AANAT: variants seen among roughly 807,000 people sequenced by gnomAD.
The protein encoded by AANAT is serotonin N-acetyltransferase.
AANAT carries 11 observed loss-of-function variants against 15.6 expected under a neutral mutation model. That is an observed-to-expected ratio of 0.71 (90% CI 0.44 to 1.17). AANAT has a LOEUF of 1.17. AANAT is among the 50% of genes most tolerant of loss of function. AANAT has a pLI of 0.00. For missense variants in AANAT, 286 were observed against 296.3 expected, an observed-to-expected ratio of 0.97 and a Z score of 0.26; for synonymous variants, 139 against 131.5, an observed-to-expected ratio of 1.06 and a Z score of -0.39.
upstream of AANAT, among the ~76,000 whole-genome samples, chr17:76,463,188 C>T (rs527939702): frequency 5.9e-5 from 9 of 152,256 alleles, no homozygotes; most frequent in East Asian, 1.5e-3. Flanking sequence ...AACCCCCGGC[C>T]GTGGCAGCGA....
chr17:76,462,475 A>C (rs1049142886), exon 3 of AANAT: 1 of 152,156 alleles, frequency 6.6e-6, no homozygotes, highest in Non-Finnish European at 1.5e-5. Context: ...GATGCAGGAC[A>C]AAGAGGTGGG....
intron 1 of AANAT, chr17:76,459,229 T>A (rs1280356758): frequency 6.6e-6 from 1 of 152,236 alleles, no homozygotes; most frequent in African/African-American, 2.4e-5. Context: ...GTTCGTCCTG[T>A]TTCCCTCCTT....
chr17:76,461,605 C>CAAAAA (rs10578887), intron 2 of AANAT, among the ~76,000 whole-genome samples: 2 of 52,872 alleles, frequency 3.8e-5, no homozygotes, highest in Non-Finnish European at 6.5e-5. Context: ...GAGCCTCCAC[C>CAAAAA]AAAAAAAAAA....
chr17:76,460,111 C>T (rs1405351825), intron 2 of AANAT, among the ~76,000 whole-genome samples: 3 of 144,890 alleles, frequency 2.1e-5, no homozygotes, highest in African/African-American at 7.8e-5. Flanking sequence ...GCTCCAGCCT[C>T]AGTCACCTAC....
At position 76,469,543 on chromosome 17, in the gene AANAT, C is replaced by A; in HGVS notation, c.319-122C>A. The stretch of plus-strand genomic sequence containing the variant: ...GCTCCCAATTTGGGGCCCTCCTTTG[C>A]TGGGGTGGGTGCCCTGACCACAGGC... On this transcript the variant is annotated intron_variant, in intron 3 of 3. Coordinates refer to ENST00000392492, the MANE Select transcript of AANAT (RefSeq NM_001088.3). This position sits in a 1 kb window ranked among gnomAD's most constrained non-coding sequence, Gnocchi z 5.2. 7.8e-7 allele frequency: 1 copy of A among 1,283,878 alleles called. No homozygotes were observed. Among genetic ancestry groups the A allele is most frequent in the Non-Finnish European group, 1.0e-6 (1 of 963,204 alleles). 79.5% of individuals were successfully genotyped at this position (1,283,878 alleles called of 1,614,324 possible). A position where few individuals can be genotyped will look rare whatever the true frequency, so the allele number is the denominator to read the frequency against.
intron 1 of AANAT, among the ~76,000 whole-genome samples, chr17:76,457,411 T>C (rs796630412): frequency 9.2e-5 from 14 of 152,348 alleles, no homozygotes; most frequent in African/African-American, 3.4e-4. Flanking sequence ...CCTATGTTTG[T>C]TGTTTTAATG....
At chr17:76,453,479 G>C (rs960420210) in exon 1 of AANAT, 1 of 221,024 alleles carries the variant, frequency 4.5e-6, no homozygotes, top group African/African-American at 2.3e-5. Flanking sequence ...TGGGGCACAG[G>C]ATGGTGGAGA....
At position 76,468,830 on chromosome 17, in the gene AANAT, G is replaced by T; in HGVS notation, c.84G>T (p.Arg28=). The T allele has an allele frequency of 6.2e-7, 1 of 1,613,526 alleles. No homozygotes were observed. Residue 28 remains arginine, a synonymous_variant, in exon 2 of 4, where the codon CGG becomes CGT. Transcript: ENST00000392492. ...TCCCCGAGTCCCCGAGCTGTCAGCGGCGCCACACACTCCCTGCCAGTGAGT... is the reference window on the plus strand; with the variant it reads ...TCCCCGAGTCCCCGAGCTGTCAGCGTCGCCACACACTCCCTGCCAGTGAGT... ...PGIPESPSCQ[R]RHTLPASEFR...
chr17:76,466,168 G>A (rs1340417276), upstream of AANAT: 3 of 1,536,858 alleles, frequency 2.0e-6, no homozygotes, highest in Admixed American at 3.9e-5. Context: ...CCACCAGGGG[G>A]TGCCATGGAG....
At chr17:76,461,536 G>A (rs952339417) in intron 2 of AANAT, among the ~76,000 whole-genome samples, 1 of 148,280 alleles carries the variant, frequency 6.7e-6, no homozygotes, top group African/African-American at 2.5e-5. Flanking sequence ...CTTGAACCTG[G>A]GAAGTGGAGG....
chr17:76,467,602 G>A, upstream of AANAT: 1 of 985,502 alleles, frequency 1.0e-6, no homozygotes. Flanking sequence ...GGCTGCCCGG[G>A]GAACATCTGC....
upstream of AANAT, among the ~76,000 whole-genome samples, chr17:76,467,271 G>C (rs1283822033): frequency 6.6e-6 from 1 of 152,164 alleles, no homozygotes; most frequent in Non-Finnish European, 1.5e-5. Context: ...TTGGTAGCTT[G>C]AATTCCCACC....
chr17:76,469,889 C>T lies in AANAT; in HGVS notation c.543C>T (p.Ile181=), dbSNP rs58504104. The T allele has an allele frequency of 6.3e-7, 1 of 1,579,740 alleles. No homozygotes were observed. The highest frequency in any genetic ancestry group is 8.6e-7 in the Non-Finnish European group (1 of 1,164,054). ...TCCACGCCGTGGGCCCCTGCGCCAT[C>T]ACCGTGGGCTCCCTCACCTTCATGG... ...FSFHAVGPCA[I]TVGSLTFMEL... Residue 181 remains isoleucine (I), a synonymous_variant, in exon 4 of 4, where the codon ATC becomes ATT. Transcript: ENST00000392492. This position sits in a 1 kb window ranked among gnomAD's most constrained non-coding sequence, Gnocchi z 5.2.
upstream of AANAT, among the ~76,000 whole-genome samples, chr17:76,464,562 C>T (rs1598638187): frequency 1.3e-5 from 2 of 152,078 alleles, no homozygotes; most frequent in African/African-American, 2.4e-5. Flanking sequence ...TGGCATGGTA[C>T]ACACTGGGCA....
At position 76,455,883 on chromosome 17, in the gene AANAT, C is replaced by T. The variant is rs573036158; in HGVS notation, c.-576+2101C>T. On this transcript the variant is annotated intron_variant, in intron 1 of 6. Coordinates refer to the AANAT transcript ENST00000250615. ...ACAAAATTAGCCAGGTGTAGTGGCG[C>T]ATGCTTGTAGTCCCAGCTACTCGGG... 5.1e-4 allele frequency among the ~76,000 whole-genome samples: 78 copies of T among 152,216 alleles called. No homozygotes were observed. In the Middle Eastern group the frequency reaches 0.01, roughly 20 times the overall value.
intron 1 of AANAT, among the ~76,000 whole-genome samples, chr17:76,458,580 G>A (rs1331213915): frequency 6.6e-6 from 1 of 152,190 alleles, no homozygotes; most frequent in Non-Finnish European, 1.5e-5. Flanking sequence ...AGCTGGTCTG[G>A]CCTCTCCCCT....
Position 76,468,792 on chromosome 17 carries a change from C to G in AANAT, c.46C>G (p.Leu16Val). ...CCCCCTGAAACCTGAGGCCCCACGT[C>G]TGCCACCTGGGATCCCCGAGTCCCC... The part of the protein sequence containing the change: ...THPLKPEAPR[L>V]PPGIPESPSC... The change falls in exon 2 of 4, where the codon CTG (leucine) becomes GTG (valine). Residue 16 changes from leucine (L) to valine (V), a missense_variant. Coordinates refer to ENST00000392492, the MANE Select transcript of AANAT (RefSeq NM_001088.3). 6.2e-7 allele frequency: 1 copy of G among 1,613,576 alleles called. No homozygotes were observed.
Position 76,468,777 on chromosome 17 carries a change from C to A in AANAT, c.31C>A (p.Pro11Thr), listed in dbSNP as rs1326602759. The stretch of plus-strand genomic sequence containing the variant: ...CACGCAGAGCACCCACCCCCTGAAA[C>A]CTGAGGCCCCACGTCTGCCACCTGG... MSTQSTHPLK[P>T]EAPRLPPGIP... Residue 11 changes from proline (P) to threonine (T), a missense_variant, in exon 2 of 4, where the codon CCT becomes ACT. Transcript: ENST00000392492. 3 of 1,613,240 alleles carry A rather than the reference C, an allele frequency of 1.9e-6. No homozygotes were observed. Among genetic ancestry groups the A allele is most frequent in the Non-Finnish European group, 2.5e-6 (3 of 1,179,878 alleles).
chr17:76,458,508 T>TG (rs1217158085), intron 1 of AANAT, among the ~76,000 whole-genome samples: 1 of 152,208 alleles, frequency 6.6e-6, no homozygotes, highest in Non-Finnish European at 1.5e-5. Flanking sequence ...CAGCCTTTCG[T>TG]GGGGAATAGA....
Sources: gnomAD v4.1 joint callset for allele counts (sites outside exome capture counted in the v4.1 genomes callset) on GRCh38, gnomAD v4.1.1 for gene constraint, Gnocchi (gnomAD v3.1) non-coding constraint, MANE v1.5 for transcripts, NCBI Gene and HGNC (gene_info 2026-07-23, HGNC 2026-07-21) for gene names.